Variants in BCL6 observed in about 807,000 individuals in gnomAD.
The protein encoded by BCL6 is BCL6 transcription repressor, also known as B-cell lymphoma 6 protein.
Under a neutral mutation model 59.5 loss-of-function variants are expected in BCL6, and 7 were observed. That is an observed-to-expected ratio of 0.12 (90% CI 0.07 to 0.22). BCL6 has a LOEUF of 0.22. BCL6 is among the 10% of genes least tolerant of loss of function. The probability of loss-of-function intolerance (pLI) is 1.00; values close to 1 mark genes in which losing one functional copy is unlikely to be tolerated. For missense variants in BCL6, 685 were observed against 939.4 expected (o/e 0.73, Z 3.54); for synonymous variants, 339 against 349.7 (o/e 0.97, Z 0.34).
chr3:187,742,014 T>A (rs1390436766), intron 1 of BCL6, among the ~76,000 whole-genome samples: 1 of 152,150 alleles, frequency 6.6e-6, no homozygotes, highest in Non-Finnish European at 1.5e-5. Context: ...TTGCCTATTA[T>A]AACACCATCC....
chr3:187,734,180 A>G (rs1205005146), intron 2 of BCL6, among the ~76,000 whole-genome samples: 1 of 152,178 alleles, frequency 6.6e-6, no homozygotes, highest in East Asian at 1.9e-4. Context: ...AGCTGGGATT[A>G]CAGGTGCCTG....
intron 3 of BCL6, among the ~76,000 whole-genome samples, chr3:187,732,635 T>C (rs769739872): frequency 5.2e-5 from 7 of 135,834 alleles, no homozygotes; most frequent in Admixed American, 7.1e-5. Flanking sequence ...CAAGTAGCTA[T>C]GCAACTTTGG....
chr3:187,744,173 C>A (rs531955668), intron 1 of BCL6, among the ~76,000 whole-genome samples: 1 of 152,262 alleles, frequency 6.6e-6, no homozygotes, highest in African/African-American at 2.4e-5. Flanking sequence ...CCATTGGGAG[C>A]CAACACAGAG....
Position 187,726,635 on chromosome 3 carries a change from C to T in BCL6, c.1708+96G>A, listed in dbSNP as rs971716512. 2.6e-6 allele frequency: 4 copies of T among 1,516,352 alleles called. No homozygotes were observed. The Admixed American group carries it at 7.5e-5, about 28-fold the overall frequency. 93.9% of individuals were successfully genotyped at this position (1,516,352 alleles called of 1,614,324 possible). ...GGGCCTGCCTCCTGCCTTGCCCCAC[C>T]AGGTCTCCAGGCCCCACACAGCTTT... On this transcript the variant is annotated intron_variant, in intron 7 of 9. Coordinates refer to ENST00000406870, the MANE Select transcript of BCL6 (RefSeq NM_001706.5).
intron 2 of BCL6, chr3:187,734,555 A>G (rs759324727): frequency 2.0e-5 from 3 of 152,186 alleles, no homozygotes; most frequent in Admixed American, 6.5e-5. Flanking sequence ...CATCTCAGTC[A>G]CCATTGGTCT....
intron 6 of BCL6, among the ~76,000 whole-genome samples, chr3:187,727,359 C>A (rs1718765152): frequency 6.6e-6 from 1 of 152,244 alleles, no homozygotes; most frequent in Non-Finnish European, 1.5e-5. Flanking sequence ...TCCTGCCTAC[C>A]TCACAGGAGG....
Position 187,729,449 on chromosome 3 carries a change from G to A in BCL6, c.956C>T (p.Pro319Leu), listed in dbSNP as rs775725915. Reference protein sequence around the residue: ...EDEIALHFEPPNAPLNRKGLV... With the variant: ...EDEIALHFEPLNAPLNRKGLV... ...ACCCTTCCGGTTCAGGGGTGCATTG[G>A]GGGGCTCGAAATGCAGGGCAATCTC... Residue 319 changes from proline to leucine, a missense_variant, in exon 5 of 10, where the codon CCC becomes CTC. Transcript: ENST00000406870. The surrounding 1 kb of genome is among the most constrained non-coding windows in gnomAD (Gnocchi z 5.6). 6.2e-7 allele frequency: 1 copy of A among 1,610,060 alleles called. No individual in the cohort carries two copies. The highest frequency in any genetic ancestry group is 8.5e-7 in the Non-Finnish European group (1 of 1,177,622).
chr3:187,745,056 A>C (rs559990538), intron 1 of BCL6, among the ~76,000 whole-genome samples: 6 of 151,620 alleles, frequency 4.0e-5, no homozygotes, highest in Middle Eastern at 3.4e-3. Flanking sequence ...CTTTCCAAAA[A>C]CCAAAACAAC....
At chr3:187,741,089 C>G (rs1711570077) in intron 1 of BCL6, among the ~76,000 whole-genome samples, 3 of 152,176 alleles carry the variant, frequency 2.0e-5, no homozygotes, top group South Asian at 4.1e-4. Context: ...GCTTCCACAC[C>G]GATCCCTACC....
chr3:187,741,298 T>C (rs1377222659), intron 1 of BCL6, among the ~76,000 whole-genome samples: 1 of 152,162 alleles, frequency 6.6e-6, no homozygotes, highest in African/African-American at 2.4e-5. Flanking sequence ...CGAAAAGCTT[T>C]ATGTACTGGG....
intron 1 of BCL6, among the ~76,000 whole-genome samples, chr3:187,744,876 T>A (rs1576885786): frequency 6.6e-6 from 1 of 151,934 alleles, no homozygotes; most frequent in African/African-American, 2.4e-5. Context: ...TCCAGAGAGA[T>A]CACAAGCCGT....
At chr3:187,728,653 A>G in intron 5 of BCL6, 109 bp from the exon 6 acceptor site, 1 of 1,074,604 alleles carries the variant, frequency 9.3e-7, no homozygotes, top group Non-Finnish European at 1.3e-6. Flanking sequence ...CTGCCCACTC[A>G]AGCTCTGAGA....
intron 1 of BCL6, chr3:187,736,940 C>T (rs1719307399): frequency 6.6e-6 from 1 of 152,222 alleles, no homozygotes; most frequent in African/African-American, 2.4e-5. Context: ...GGAACTGAGG[C>T]TCCGGGTGAG....
chr3:187,744,845 G>T (rs1176255467), intron 1 of BCL6, among the ~76,000 whole-genome samples: 4 of 152,078 alleles, frequency 2.6e-5, no homozygotes, highest in Admixed American at 1.3e-4. Context: ...AGAAAAGAGG[G>T]AAAAAACACA....
In BCL6 at chr3:187,729,756, G is replaced by A. The variant is rs376246678; in HGVS notation, c.649C>T (p.Arg217Trp). ...GGGAAGGGGTTGGCCACAGGCATCC[G>A]GACATCCCGAAACTCCTCATCGGAG... is the stretch of plus-strand genomic sequence containing the variant. ...LFSDEEFRDV[R>W]MPVANPFPKE... The change falls in exon 5 of 10, where the codon CGG (arginine) becomes TGG (tryptophan). Residue 217 changes from arginine (R) to tryptophan (W), a missense_variant. Arg to Trp is a moderately radical substitution (Grantham distance 101). Around this residue, in one of 7 missense-constraint regions of BCL6, gnomAD observed 268 missense variants for 263.8 expected, o/e 1.02. Transcript: ENST00000406870. The surrounding 1 kb of genome is among the most constrained non-coding windows in gnomAD (Gnocchi z 5.6). 8.7e-6 allele frequency: 14 copies of A among 1,614,012 alleles called. No individual in the cohort carries two copies. The highest frequency in any genetic ancestry group is 3.3e-5 in the Admixed American group (2 of 59,998).
intron 1 of BCL6, 37 bp downstream of exon 1, chr3:187,745,373 T>G (rs559264265): frequency 5.0e-6 from 2 of 402,080 alleles, no homozygotes; most frequent in East Asian, 3.6e-5. Flanking sequence ...GCGGCGGCAG[T>G]AGCAGCAGCA....
rs117781053 is a variant in BCL6 at position 187,730,581 on chromosome 3, G to A, written c.384-560C>T. Among the ~76,000 whole-genome samples, 285 of 152,324 alleles carry A rather than the reference G, an allele frequency of 1.9e-3. 5 individuals are homozygous for A. The East Asian group carries it at 0.027, about 14-fold the overall frequency. ...TAAAGAACAGGCAGCAAATGCCAATGTATGAATCCCTGGTCTAGAGCAGCC... is the reference window on the plus strand; with the variant it reads ...TAAAGAACAGGCAGCAAATGCCAATATATGAATCCCTGGTCTAGAGCAGCC... On this transcript the variant is annotated intron_variant, in intron 4 of 9. Coordinates refer to ENST00000406870, the MANE Select transcript of BCL6 (RefSeq NM_001706.5).
Position 187,722,228 on chromosome 3 carries a change from A to G in BCL6, c.*230T>C. The G allele has an allele frequency of 2.1e-6, 1 of 477,596 alleles. No individual in the cohort carries two copies. The highest frequency in any genetic ancestry group is 3.6e-6 in the Non-Finnish European group (1 of 279,042). The allele number at this position is 477,596 out of a possible 1,614,324, so 29.6% of individuals were successfully genotyped here. On this transcript the variant is annotated 3_prime_UTR_variant, in exon 10 of 10. Coordinates refer to ENST00000406870, the MANE Select transcript of BCL6 (RefSeq NM_001706.5). ...TGACATGGTTCACCTTACACATAGG[A>G]GAAGAAGCAATATGATTTTCTTAAT...
intron 1 of BCL6, among the ~76,000 whole-genome samples, chr3:187,745,191 T>G (rs901272184): frequency 1.3e-5 from 2 of 152,296 alleles, no homozygotes; most frequent in East Asian, 1.9e-4. Flanking sequence ...CTTCGGCATT[T>G]ATTTTAACAC....
Sources: gnomAD v4.1 joint callset for allele counts (sites outside exome capture counted in the v4.1 genomes callset) on GRCh38, gnomAD v4.1.1 for gene constraint, gnomAD v4.1.1 regional missense constraint, Gnocchi (gnomAD v3.1) non-coding constraint, MANE v1.5 for transcripts, NCBI Gene and HGNC (gene_info 2026-07-23, HGNC 2026-07-21) for gene names.